Variants in CTDP1 observed in about 807,000 individuals in gnomAD.
The protein encoded by CTDP1 is RNA polymerase II subunit A C-terminal domain phosphatase.
CTDP1 carries 47 observed loss-of-function variants against 91.8 expected under a neutral mutation model. The observed-to-expected ratio is 0.51, with a 90% CI of 0.41 to 0.65. The LOEUF is 0.65. Ranked by LOEUF, CTDP1 falls within the 30% of genes least tolerant of loss-of-function variation. The pLI is 0.00. For synonymous variants in CTDP1, 656 were observed against 598.5 expected (o/e 1.10, Z -1.40); for missense variants, 1,272 against 1,373.7 (o/e 0.93, Z 1.17).
chr18:79,743,080 T>A (rs1377245810), intron 12 of CTDP1, among the ~76,000 whole-genome samples: 1 of 152,220 alleles, frequency 6.6e-6, no homozygotes, highest in Non-Finnish European at 1.5e-5. Flanking sequence ...AGATGGTGAC[T>A]GGAATTTACA....
chr18:79,743,572 G>GTGT lies in CTDP1; in HGVS notation c.2747+7052_2747+7054dup, dbSNP rs376639052. On this transcript the variant is annotated intron_variant, in intron 12 of 12. Transcript: ENST00000613122. Reference sequence around the variant, plus strand: ...GTGAAGCACAAAGTGAGGAGTCTGAGTGTGCACCTGCTCTCACTCCTGCTG... The same window carrying GTGT: ...GTGAAGCACAAAGTGAGGAGTCTGAGTGTTGTGCACCTGCTCTCACTCCTGCTG... Among the ~76,000 whole-genome samples the GTGT allele has an allele frequency of 4.0e-3, 596 of 150,538 alleles. 5 individuals carry two copies. The highest frequency in any genetic ancestry group is 0.013 in the African/African-American group (543 of 40,856).
chr18:79,736,396 C>G lies in CTDP1; in HGVS notation c.2622C>G (p.Ser874Arg). The change falls in exon 12 of 13, where the codon AGC (serine) becomes AGG (arginine). Residue 874 changes from serine to arginine, a missense_variant. Physicochemically the swap from Ser to Arg is moderately radical, Grantham distance 110. Coordinates refer to ENST00000613122, the MANE Select transcript of CTDP1 (RefSeq NM_004715.5). ...ILGEGSDDSD[S>R]EKRRPEEQEE... ...GAGAAGGCAGCGACGACAGCGACAGCGAGAAGAGGAGGCCTGAGGAGCAGG... is the reference window on the plus strand; with the variant it reads ...GAGAAGGCAGCGACGACAGCGACAGGGAGAAGAGGAGGCCTGAGGAGCAGG... 1 of 1,549,414 alleles carries G rather than the reference C, an allele frequency of 6.5e-7. No individual in the cohort carries two copies. Among genetic ancestry groups the G allele is most frequent in the South Asian group, 1.2e-5 (1 of 83,982 alleles).
Position 79,729,026 on chromosome 18 carries a change from T to C in CTDP1, c.2537T>C (p.Leu846Pro), listed in dbSNP as rs771014196. The change falls in exon 11 of 13, where the codon CTG (leucine) becomes CCG (proline). Residue 846 changes from leucine (L) to proline (P), a missense_variant. Coordinates refer to ENST00000613122, the MANE Select transcript of CTDP1 (RefSeq NM_004715.5). ...CCCAGTATGTCTGAGACAATGCCGCTGTACACTCTTTGTAAGGAGGATTTA... is the reference window on the plus strand; with the variant it reads ...CCCAGTATGTCTGAGACAATGCCGCCGTACACTCTTTGTAAGGAGGATTTA... ...RQPSMSETMP[L>P]YTLCKEDLES... 6.2e-7 allele frequency: 1 copy of C among 1,614,032 alleles called. No homozygotes were observed.
intron 10 of CTDP1, among the ~76,000 whole-genome samples, chr18:79,722,871 G>C (rs1599271914): frequency 6.6e-6 from 1 of 152,358 alleles, no homozygotes; most frequent in East Asian, 1.9e-4. Flanking sequence ...ACCTGGGCCT[G>C]TGTGGATTGG....
intron 3 of CTDP1, 35 bp downstream of exon 3, chr18:79,696,105 G>T (rs1408421032): frequency 6.3e-7 from 1 of 1,589,294 alleles, no homozygotes; most frequent in Non-Finnish European, 8.6e-7. Flanking sequence ...TGTTGGGGAA[G>T]CGTGGTGCTC....
At chr18:79,680,730 CTAAG>C (rs1360002316) in intron 1 of CTDP1, 1 of 152,926 alleles carries the variant, frequency 6.5e-6, no homozygotes, top group African/African-American at 2.4e-5. Context: ...TGTTTCGTGG[CTAAG>C]GAACGGGCGG....
At chr18:79,719,876 AG>A (rs964556654) in intron 10 of CTDP1, among the ~76,000 whole-genome samples, 2 of 137,182 alleles carry the variant, frequency 1.5e-5, no homozygotes, top group African/African-American at 5.6e-5. Flanking sequence ...ACCTCCCATT[AG>A]GAAGGTGTCC....
intron 5 of CTDP1, among the ~76,000 whole-genome samples, chr18:79,705,338 C>A (rs1381956523): frequency 6.6e-6 from 1 of 152,230 alleles, no homozygotes; most frequent in East Asian, 1.9e-4. Flanking sequence ...GCGTTTGCTT[C>A]TGTCTCCCTG....
intron 10 of CTDP1, among the ~76,000 whole-genome samples, chr18:79,719,176 C>T (rs565474305): frequency 5.3e-5 from 8 of 152,326 alleles, no homozygotes; most frequent in East Asian, 1.9e-4. Context: ...AGTTCCTCCC[C>T]GGTTTTCTGT....
upstream of CTDP1, chr18:79,677,716 G>A (rs1239841763): frequency 6.6e-6 from 1 of 152,200 alleles, no homozygotes; most frequent in Non-Finnish European, 1.5e-5. Flanking sequence ...TGAGTAGTCT[G>A]TCCTTACAGT....
chr18:79,753,260 T>C (rs1328494010), intron 12 of CTDP1, among the ~76,000 whole-genome samples: 1 of 152,252 alleles, frequency 6.6e-6, no homozygotes, highest in Non-Finnish European at 1.5e-5. Context: ...CGTGGCCCAC[T>C]TGATGAGCTG....
chr18:79,740,340 G>C (rs1170586183), intron 12 of CTDP1, among the ~76,000 whole-genome samples: 4 of 152,204 alleles, frequency 2.6e-5, no homozygotes, highest in Non-Finnish European at 4.4e-5. Flanking sequence ...GGTCTTTTCA[G>C]CTTCCTGTCC....
At chr18:79,688,061 C>CTT (rs1230917344) in intron 1 of CTDP1, among the ~76,000 whole-genome samples, 2 of 152,234 alleles carry the variant, frequency 1.3e-5, no homozygotes, top group South Asian at 2.1e-4. Flanking sequence ...AGACGTTGTG[C>CTT]TTTACAGCCA....
intron 10 of CTDP1, among the ~76,000 whole-genome samples, chr18:79,719,851 C>T (rs1317124495): frequency 2.1e-5 from 3 of 145,814 alleles, no homozygotes; most frequent in Admixed American, 6.8e-5. Context: ...AGGAAGGCGT[C>T]CTGGTGATGC....
intron 1 of CTDP1, among the ~76,000 whole-genome samples, chr18:79,684,809 C>T (rs750506031): frequency 6.6e-6 from 1 of 152,234 alleles, no homozygotes; most frequent in Non-Finnish European, 1.5e-5. Flanking sequence ...ATGTTTTTGT[C>T]GGGCTTCATC....
intron 1 of CTDP1, among the ~76,000 whole-genome samples, chr18:79,682,167 C>T (rs1263615236): frequency 2.6e-5 from 4 of 152,166 alleles, no homozygotes; most frequent in African/African-American, 4.8e-5. Context: ...ATGCTGCTGA[C>T]GGTCGGCTCC....
In CTDP1 at chr18:79,717,537, A is replaced by C. The variant is rs1484080384; in HGVS notation, c.2071A>C (p.Thr691Pro). ...TGACGCAGCCGGGTCTCCTGCAGGC[A>C]CAGAGAAGGTGCTGCAGGCACAGGA... ...ATHLIAARAG[T>P]EKVLQAQECG... is the part of the protein sequence containing the mutation. The change falls in exon 9 of 13, where the codon ACA becomes CCA. Residue 691 changes from threonine (T) to proline (P), a missense_variant and splice_region_variant. Around this residue, in one of 3 missense-constraint regions of CTDP1, gnomAD observed 881 missense variants for 911.6 expected, o/e 0.97. Transcript: ENST00000613122. 6.2e-7 allele frequency: 1 copy of C among 1,613,010 alleles called. No individual in the cohort carries two copies. Among genetic ancestry groups the C allele is most frequent in the Admixed American group, 1.7e-5 (1 of 60,006 alleles).
intron 4 of CTDP1, chr18:79,702,713 C>T (rs895762844): frequency 6.6e-6 from 1 of 152,146 alleles, no homozygotes; most frequent in Non-Finnish European, 1.5e-5. Context: ...AAGTTAGGTA[C>T]ATTGTTCTTT....
rs751722825 is a variant in CTDP1 at position 79,696,073 on chromosome 18, G to A, written c.492+3G>A. The A allele has an allele frequency of 5.0e-6, 8 of 1,610,536 alleles. No individual in the cohort carries two copies. The East Asian group carries it at 1.8e-4, about 36-fold the overall frequency. On this transcript the variant is annotated splice_donor_region_variant and intron_variant, in intron 3 of 12. Coordinates refer to ENST00000613122, the MANE Select transcript of CTDP1 (RefSeq NM_004715.5). ...CGGAGTTGATGGTGAGCTCCGAGGT[G>A]AGCCGGGCATCAGTGGCGGCGTGTT...
Sources: gnomAD v4.1 joint callset for allele counts (sites outside exome capture counted in the v4.1 genomes callset) on GRCh38, gnomAD v4.1.1 for gene constraint, gnomAD v4.1.1 regional missense constraint, MANE v1.5 for transcripts, NCBI Gene and HGNC (gene_info 2026-07-23, HGNC 2026-07-21) for gene names.